LRRC4C: variants seen among roughly 807,000 people sequenced by gnomAD.
The protein encoded by LRRC4C is leucine rich repeat containing 4C, also known as leucine-rich repeat-containing protein 4C.
Under a neutral mutation model 33.6 loss-of-function variants are expected in LRRC4C, and 5 were observed. The ratio of observed to expected loss-of-function variants is 0.15; its 90% CI spans 0.08 to 0.31. LRRC4C has a LOEUF of 0.31. LRRC4C is among the 10% of genes least tolerant of loss of function. The pLI is 1.00. For synonymous variants in LRRC4C, 329 were observed against 302.0 expected (o/e 1.09, Z -0.93); for missense variants, 560 against 796.7 (o/e 0.70, Z 3.58).
intron 2 of LRRC4C, among the ~76,000 whole-genome samples, chr11:40,687,032 G>A (rs562549090): frequency 1.6e-3 from 238 of 152,176 alleles, no homozygotes; most frequent in Non-Finnish European, 2.5e-3. Context: ...CCCACATTAC[G>A]GTTTGAGAAA....
intron 1 of LRRC4C, among the ~76,000 whole-genome samples, chr11:41,386,233 C>A (rs1457823591): frequency 6.6e-6 from 1 of 151,526 alleles, no homozygotes; most frequent in Admixed American, 6.6e-5. Flanking sequence ...CAAAACACAC[C>A]AGCATTCTCA....
At chr11:41,157,969 C>T (rs1331926369) in intron 1 of LRRC4C, among the ~76,000 whole-genome samples, 1 of 151,992 alleles carries the variant, frequency 6.6e-6, no homozygotes, top group Non-Finnish European at 1.5e-5. Flanking sequence ...CTCTGTTGTG[C>T]TACCAAATAC....
rs576351905 is a variant in LRRC4C at position 40,564,969 on chromosome 11, C to T, written c.-270+83173G>A. Among the ~76,000 whole-genome samples the T allele has an allele frequency of 3.3e-5, 5 of 152,248 alleles. No homozygotes were observed. In the East Asian group the frequency reaches 5.8e-4, roughly 18 times the overall value. On this transcript the variant is annotated intron_variant, in intron 3 of 6. Coordinates refer to ENST00000528697, the MANE Select transcript of LRRC4C (RefSeq NM_001258419.2). Reference sequence around the variant, plus strand: ...CAGTGGACACATGCAGCCTGAGACACGTATAATTTCTAGGAACTAAGATCG... The same window carrying T: ...CAGTGGACACATGCAGCCTGAGACATGTATAATTTCTAGGAACTAAGATCG...
At chr11:40,343,438 A>G (rs1325650462) in intron 3 of LRRC4C, among the ~76,000 whole-genome samples, 1 of 152,076 alleles carries the variant, frequency 6.6e-6, no homozygotes, top group African/African-American at 2.4e-5. Flanking sequence ...GCAATTTGGT[A>G]TACAGATTAT....
intron 1 of LRRC4C, among the ~76,000 whole-genome samples, chr11:41,185,300 G>A (rs1381277684): frequency 6.6e-6 from 1 of 151,918 alleles, no homozygotes; most frequent in African/African-American, 2.4e-5. Flanking sequence ...AAATGATTAG[G>A]GCAGAAGTAA....
intron 1 of LRRC4C, among the ~76,000 whole-genome samples, chr11:41,356,923 T>A (rs1426927248): frequency 6.6e-6 from 1 of 152,144 alleles, no homozygotes; most frequent in Non-Finnish European, 1.5e-5. Context: ...CCCTCAAATA[T>A]GTTCTGCTGA....
At chr11:40,669,800 A>T (rs1943996286) in intron 2 of LRRC4C, among the ~76,000 whole-genome samples, 1 of 152,222 alleles carries the variant, frequency 6.6e-6, no homozygotes, top group African/African-American at 2.4e-5. Flanking sequence ...TGTCCAATGT[A>T]ACACTCTGCT....
chr11:41,098,746 AT>A (rs572869536), intron 1 of LRRC4C, among the ~76,000 whole-genome samples: 5 of 152,038 alleles, frequency 3.3e-5, no homozygotes, highest in African/African-American at 1.2e-4. Flanking sequence ...TGAAAAAGTA[AT>A]TTTTTAACAA....
chr11:40,150,413 C>T (rs1858096019), intron 5 of LRRC4C, among the ~76,000 whole-genome samples: 3 of 152,184 alleles, frequency 2.0e-5, no homozygotes, highest in South Asian at 2.1e-4. Context: ...CAATGAAAAA[C>T]TCATAGAGAA....
At chr11:40,892,829 G>C (rs1955781037) in intron 2 of LRRC4C, among the ~76,000 whole-genome samples, 1 of 152,032 alleles carries the variant, frequency 6.6e-6, no homozygotes, top group Non-Finnish European at 1.5e-5. Context: ...TTTTGTTGGG[G>C]ATAATGAAAA....
At chr11:40,365,933 A>G (rs1199968706) in intron 3 of LRRC4C, among the ~76,000 whole-genome samples, 1 of 152,084 alleles carries the variant, frequency 6.6e-6, no homozygotes, top group Non-Finnish European at 1.5e-5. Flanking sequence ...TCGTGCACAC[A>G]CTACAAAATT....
intron 3 of LRRC4C, among the ~76,000 whole-genome samples, chr11:40,578,360 T>G (rs748527091): frequency 1.3e-5 from 2 of 151,878 alleles, no homozygotes; most frequent in African/African-American, 2.4e-5. Flanking sequence ...TCTTTTAAAT[T>G]TTCAGTAATA....
rs77958080 is a variant in LRRC4C at position 40,404,349 on chromosome 11, T to C, written c.-269-84628A>G. 7.7e-3 allele frequency among the ~76,000 whole-genome samples: 1,172 copies of C among 152,290 alleles called. 14 individuals carry two copies. Among genetic ancestry groups the C allele is most frequent in the African/African-American group, 0.027 (1,107 of 41,552 alleles). On this transcript the variant is annotated intron_variant, in intron 3 of 6. Transcript: ENST00000528697. ...CAATAAAGAGCTAAATAAAGGTTTG[T>C]TATTTTAAGCCACTAGATTTTGTGG...
intron 3 of LRRC4C, among the ~76,000 whole-genome samples, chr11:40,481,532 A>G (rs1953564351): frequency 6.6e-6 from 1 of 152,258 alleles, no homozygotes. Flanking sequence ...AACGGTCACC[A>G]TAAGGACAAT....
intron 1 of LRRC4C, among the ~76,000 whole-genome samples, chr11:40,952,221 G>T (rs11036156): frequency 6.6e-6 from 1 of 151,584 alleles, no homozygotes; most frequent in Non-Finnish European, 1.5e-5. Context: ...CCAAAGAAGA[G>T]GGATATGGAT....
At chr11:40,904,499 G>C (rs1956336035) in intron 2 of LRRC4C, among the ~76,000 whole-genome samples, 1 of 152,090 alleles carries the variant, frequency 6.6e-6, no homozygotes, top group Non-Finnish European at 1.5e-5. Context: ...CTTTGCCCAT[G>C]ATCTCAGGAT....
intron 3 of LRRC4C, among the ~76,000 whole-genome samples, chr11:40,591,688 C>A (rs527394289): frequency 6.6e-6 from 1 of 152,148 alleles, no homozygotes; most frequent in Non-Finnish European, 1.5e-5. Context: ...GAAGACCAGG[C>A]CTGAAGAATC....
intron 5 of LRRC4C, among the ~76,000 whole-genome samples, chr11:40,159,833 A>T (rs1456064553): frequency 6.6e-6 from 1 of 152,170 alleles, no homozygotes; most frequent in Non-Finnish European, 1.5e-5. Context: ...GCCTGCTATC[A>T]AAATAATGGA....
At chr11:40,979,405 C>T (rs1326433235) in intron 1 of LRRC4C, among the ~76,000 whole-genome samples, 1 of 152,096 alleles carries the variant, frequency 6.6e-6, no homozygotes, top group African/African-American at 2.4e-5. Flanking sequence ...AATTAGAATA[C>T]CTTTCATCAA....
Sources: gnomAD v4.1 joint callset for allele counts (sites outside exome capture counted in the v4.1 genomes callset) on GRCh38, gnomAD v4.1.1 for gene constraint, MANE v1.5 for transcripts, NCBI Gene and HGNC (gene_info 2026-07-23, HGNC 2026-07-21) for gene names.